Variants in IL1RAPL2 observed in about 807,000 individuals in gnomAD.
IL1RAPL2 encodes the protein interleukin 1 receptor accessory protein like 2.
In IL1RAPL2, 3 loss-of-function variants were observed where a neutral mutation model predicts 44.1. The ratio of observed to expected loss-of-function variants is 0.07; its 90% confidence interval spans 0.03 to 0.18. IL1RAPL2 has a LOEUF of 0.18. Among genes scored for constraint, IL1RAPL2 ranks in the 10% least tolerant of loss-of-function variants. The probability of loss-of-function intolerance (pLI) is 1.00; values close to 1 mark genes in which losing one functional copy is unlikely to be tolerated. For missense variants in IL1RAPL2, 391 were observed against 496.4 expected (o/e 0.79, Z 2.02); for synonymous variants, 181 against 178.8 (o/e 1.01, Z -0.10).
chrX:105,038,475 T>C (rs745559727), intron 2 of IL1RAPL2, among the ~76,000 whole-genome samples: 5 of 111,971 alleles, frequency 4.5e-5, no homozygotes, highest in Non-Finnish European at 7.5e-5. Context: ...GCATGCACAC[T>C]AGTGCATGGT....
intron 2 of IL1RAPL2, among the ~76,000 whole-genome samples, chrX:104,940,877 TC>T (rs1925151823): frequency 2.1e-5 from 1 of 48,470 alleles, no homozygotes; most frequent in African/African-American, 8.4e-5. Context: ...TCCCTCCCCC[TC>T]CCCCCACCCC....
rs770019489 is a variant in IL1RAPL2 at position 105,502,457 on chromosome X, A to G, written c.772+18070A>G. Among the ~76,000 whole-genome samples the G allele has an allele frequency of 8.1e-5, 9 of 111,795 alleles. No individual in the cohort carries two copies. In the South Asian group the frequency reaches 2.9e-3, roughly 37 times the overall value. On this transcript the variant is annotated intron_variant, in intron 6 of 10. Coordinates refer to ENST00000372582, the MANE Select transcript of IL1RAPL2 (RefSeq NM_017416.2). ...CTAACTCATACAGAATAGGATATTG[A>G]CTTCCTGTATTCTAATCACTATGTA...
intron 2 of IL1RAPL2, among the ~76,000 whole-genome samples, chrX:105,160,880 C>T (rs1362209402): frequency 9.0e-6 from 1 of 111,686 alleles, no homozygotes; most frequent in Non-Finnish European, 1.9e-5. Context: ...CTGGTCAAGA[C>T]ATGAAAATAT....
At chrX:105,748,856 G>T in intron 8 of IL1RAPL2, 104 bp from the exon 9 acceptor site, 3 of 825,149 alleles carry the variant, frequency 3.6e-6, no homozygotes, top group Non-Finnish European at 5.0e-6. Context: ...GAATTTTCTG[G>T]AAAGGAAAAC....
intron 5 of IL1RAPL2, among the ~76,000 whole-genome samples, chrX:105,480,488 G>C (rs1376877387): frequency 8.9e-6 from 1 of 111,963 alleles, no homozygotes; most frequent in Non-Finnish European, 1.9e-5. Context: ...ACTGAGGAAA[G>C]TGCATTGGTG....
At chrX:104,599,497 C>T (rs1169649094) in intron 1 of IL1RAPL2, among the ~76,000 whole-genome samples, 2 of 110,646 alleles carry the variant, frequency 1.8e-5, no homozygotes, top group East Asian at 5.7e-4. Context: ...ATCCTCCCAC[C>T]TCAGCCTTTC....
At chrX:104,964,437 G>A (rs941022677) in intron 2 of IL1RAPL2, among the ~76,000 whole-genome samples, 7 of 108,071 alleles carry the variant, frequency 6.5e-5, no homozygotes, top group Admixed American at 6.0e-4. Flanking sequence ...TCAGCCTCCC[G>A]AGTAGCTGGG....
chrX:104,669,223 A>G (rs1930546894), intron 2 of IL1RAPL2, among the ~76,000 whole-genome samples: 1 of 111,671 alleles, frequency 9.0e-6, no homozygotes, highest in African/African-American at 3.3e-5. Flanking sequence ...TTGATAGGTG[A>G]CAGCTAGTTT....
At chrX:105,166,133 A>G (rs901490414) in intron 2 of IL1RAPL2, among the ~76,000 whole-genome samples, 4 of 111,196 alleles carry the variant, frequency 3.6e-5, no homozygotes, top group Non-Finnish European at 7.5e-5. Context: ...AATACACGTA[A>G]AGTCCTTAGA....
At chrX:105,173,085 G>T (rs1307700281) in intron 2 of IL1RAPL2, among the ~76,000 whole-genome samples, 1 of 110,943 alleles carries the variant, frequency 9.0e-6, no homozygotes, top group Non-Finnish European at 1.9e-5. Context: ...GAGGACAGAA[G>T]GTCCTTAAGA....
chrX:104,615,137 G>A (rs1260671228), intron 1 of IL1RAPL2, among the ~76,000 whole-genome samples: 1 of 111,626 alleles, frequency 9.0e-6, no homozygotes, highest in East Asian at 2.8e-4. Flanking sequence ...TTGTTTCCAT[G>A]TTTAGAAATC....
intron 8 of IL1RAPL2, 31 bp from the exon 9 acceptor site, chrX:105,748,929 T>C (rs770365342): frequency 8.4e-7 from 1 of 1,191,758 alleles, no homozygotes; most frequent in Non-Finnish European, 1.1e-6. Context: ...CTGATTTAAT[T>C]ACCTTTTCCT....
intron 5 of IL1RAPL2, among the ~76,000 whole-genome samples, chrX:105,396,104 G>A (rs1236312790): frequency 9.0e-6 from 1 of 111,227 alleles, no homozygotes; most frequent in Admixed American, 9.6e-5. Flanking sequence ...AAAATTAAAG[G>A]TAACAGAACT....
At chrX:105,167,101 G>A (rs1405863314) in intron 2 of IL1RAPL2, among the ~76,000 whole-genome samples, 1 of 112,005 alleles carries the variant, frequency 8.9e-6, no homozygotes, top group Non-Finnish European at 1.9e-5. Flanking sequence ...CTGGATTAAT[G>A]GTCCAACTTC....
intron 2 of IL1RAPL2, among the ~76,000 whole-genome samples, chrX:105,148,374 G>C (rs2033197679): frequency 9.0e-6 from 1 of 111,583 alleles, no homozygotes; most frequent in Non-Finnish European, 1.9e-5. Flanking sequence ...AGCATACAAA[G>C]GAACATATGT....
intron 4 of IL1RAPL2, among the ~76,000 whole-genome samples, chrX:105,254,082 G>T (rs1209362834): frequency 9.0e-6 from 1 of 111,468 alleles, no homozygotes; most frequent in Non-Finnish European, 1.9e-5. Context: ...TAATAGTATT[G>T]CTGGGTCAAA....
chrX:104,616,327 T>G, intron 1 of IL1RAPL2, among the ~76,000 whole-genome samples: 1 of 112,323 alleles, frequency 8.9e-6, no homozygotes, highest in Non-Finnish European at 1.9e-5. Context: ...CCATGTTGCT[T>G]CTAACCTCCA....
At chrX:104,666,908 C>T (rs891997406) in intron 2 of IL1RAPL2, among the ~76,000 whole-genome samples, 15 of 112,044 alleles carry the variant, frequency 1.3e-4, no homozygotes, top group Non-Finnish European at 1.9e-4. Context: ...TTTAAACTTC[C>T]ATTCATATTC....
At chrX:104,917,583 A>G (rs989291677) in intron 2 of IL1RAPL2, among the ~76,000 whole-genome samples, 1 of 112,008 alleles carries the variant, frequency 8.9e-6, no homozygotes, top group African/African-American at 3.2e-5. Flanking sequence ...ATTCTTCACC[A>G]AATGGACCAG....
Sources: allele counts gnomAD v4.1 joint callset (sites outside exome capture counted in the v4.1 genomes callset), GRCh38; gene constraint gnomAD v4.1.1; transcripts MANE v1.5; gene names NCBI Gene and HGNC (gene_info 2026-07-23, HGNC 2026-07-21).